WDR70: variants seen among roughly 807,000 people sequenced by gnomAD.
WDR70 encodes the protein WD repeat domain 70.
WDR70 carries 53 observed loss-of-function variants against 88.6 expected under a neutral mutation model. The observed-to-expected ratio is 0.60, with a 90% CI of 0.48 to 0.75. WDR70 has a LOEUF of 0.75. WDR70 is among the 30% of genes least tolerant of loss of function. The pLI is 0.00. For missense variants in WDR70, 610 were observed against 823.2 expected, an observed-to-expected ratio of 0.74 and a Z score of 3.17; for synonymous variants, 280 against 270.0, an observed-to-expected ratio of 1.04 and a Z score of -0.36.
At chr5:37,712,963 A>G (rs1442897585) in intron 13 of WDR70, among the ~76,000 whole-genome samples, 1 of 152,154 alleles carries the variant, frequency 6.6e-6, no homozygotes, top group African/African-American at 2.4e-5. Flanking sequence ...CAGTCTCCCA[A>G]GGCGATGAGT....
chr5:37,570,281 T>TA (rs957854013), intron 9 of WDR70, among the ~76,000 whole-genome samples: 13 of 152,084 alleles, frequency 8.5e-5, no homozygotes, highest in Non-Finnish European at 4.4e-5. Context: ...GACAGCTGGC[T>TA]AGATGATTCA....
chr5:37,529,678 T>C (rs548158232), intron 9 of WDR70, among the ~76,000 whole-genome samples: 1 of 152,304 alleles, frequency 6.6e-6, no homozygotes, highest in East Asian at 1.9e-4. Flanking sequence ...TAATTTTGTA[T>C]CCTGAAACCT....
chr5:37,522,776 C>A (rs1741136986), intron 9 of WDR70, among the ~76,000 whole-genome samples: 1 of 152,182 alleles, frequency 6.6e-6, no homozygotes, highest in Admixed American at 6.5e-5. Context: ...CAGGTCACTC[C>A]CACCCTAATA....
intron 7 of WDR70, among the ~76,000 whole-genome samples, chr5:37,471,890 C>G (rs1739336427): frequency 6.6e-6 from 1 of 151,798 alleles, no homozygotes. Flanking sequence ...ATCAGGTGGT[C>G]TTTTTCTTGT....
chr5:37,667,428 T>C (rs1420250166), intron 10 of WDR70, among the ~76,000 whole-genome samples: 1 of 152,210 alleles, frequency 6.6e-6, no homozygotes, highest in Non-Finnish European at 1.5e-5. Flanking sequence ...ATTATCATCA[T>C]TATTATTATT....
chr5:37,443,442 G>A, intron 7 of WDR70, 70 bp downstream of exon 7: 1 of 1,553,278 alleles, frequency 6.4e-7, no homozygotes, highest in East Asian at 2.3e-5. Flanking sequence ...AGTGCTGTTG[G>A]CTTTGGAATC....
chr5:37,546,856 G>A (rs1050264332), intron 9 of WDR70, among the ~76,000 whole-genome samples: 1 of 151,948 alleles, frequency 6.6e-6, no homozygotes, highest in South Asian at 2.1e-4. Flanking sequence ...AGGCAGAGTT[G>A]CAGTGAGCTG....
rs184873265 is a variant in WDR70, at chr5:37,569,129, C to T, written c.918-35935C>T. Reference sequence around the variant, plus strand: ...GCATAATTAGGAGAATTATGTCAACCTGTCAGGCTATTGCAGAATTATGAG... The same window carrying T: ...GCATAATTAGGAGAATTATGTCAACTTGTCAGGCTATTGCAGAATTATGAG... On this transcript the variant is annotated intron_variant, in intron 9 of 17. Coordinates refer to ENST00000265107, the MANE Select transcript of WDR70 (RefSeq NM_018034.4). 3.3e-5 allele frequency among the ~76,000 whole-genome samples: 5 copies of T among 152,306 alleles called. No individual in the cohort carries two copies. The East Asian group carries it at 9.6e-4, about 29-fold the overall frequency.
At chr5:37,588,980 G>T (rs1478157207) in intron 9 of WDR70, among the ~76,000 whole-genome samples, 1 of 151,998 alleles carries the variant, frequency 6.6e-6, no homozygotes, top group Non-Finnish European at 1.5e-5. Flanking sequence ...GGCCAGGCTA[G>T]TCTCGAACTC....
chr5:37,415,397 G>C (rs1749677404), intron 5 of WDR70, among the ~76,000 whole-genome samples: 1 of 109,486 alleles, frequency 9.1e-6, no homozygotes, highest in African/African-American at 2.7e-5. Flanking sequence ...CGGGGCGGCT[G>C]GCCGGGCGGG....
At chr5:37,481,330 G>GCC (rs112035755) in intron 8 of WDR70, among the ~76,000 whole-genome samples, 10 of 151,260 alleles carry the variant, frequency 6.6e-5, no homozygotes, top group African/African-American at 2.2e-4. Context: ...ATCCATGAGG[G>GCC]CCCCCCCCGC....
chr5:37,416,945 T>C (rs1272390957), intron 5 of WDR70, among the ~76,000 whole-genome samples: 1 of 152,210 alleles, frequency 6.6e-6, no homozygotes, highest in African/African-American at 2.4e-5. Flanking sequence ...TCCACAATTA[T>C]GTCAAAAGTG....
chr5:37,663,038 T>G (rs1241303591), intron 10 of WDR70, among the ~76,000 whole-genome samples: 2 of 152,176 alleles, frequency 1.3e-5, no homozygotes, highest in East Asian at 3.8e-4. Flanking sequence ...CAATAAACAT[T>G]TGCTTCAAAT....
intron 7 of WDR70, among the ~76,000 whole-genome samples, chr5:37,457,169 C>T (rs1738867642): frequency 6.6e-6 from 1 of 152,046 alleles, no homozygotes; most frequent in Non-Finnish European, 1.5e-5. Context: ...AATCTTGGCT[C>T]ACCACAACCT....
At chr5:37,598,882 A>G (rs189952103) in intron 9 of WDR70, among the ~76,000 whole-genome samples, 1 of 152,376 alleles carries the variant, frequency 6.6e-6, no homozygotes, top group Non-Finnish European at 1.5e-5. Flanking sequence ...CCAGAAGACA[A>G]GAAAACGACA....
At chr5:37,432,563 A>ATT (rs148199087) in intron 5 of WDR70, among the ~76,000 whole-genome samples, 15 of 140,756 alleles carry the variant, frequency 1.1e-4, no homozygotes, top group Admixed American at 1.4e-4. Flanking sequence ...TAATTTTTGT[A>ATT]TTTTTTTTTT....
intron 10 of WDR70, among the ~76,000 whole-genome samples, chr5:37,678,579 T>C (rs1287389074): frequency 6.6e-6 from 1 of 151,282 alleles, no homozygotes; most frequent in African/African-American, 2.4e-5. Context: ...TTCTGGCTTG[T>C]AGAGTTTCTG....
At chr5:37,700,720 C>G (rs569872360) in intron 11 of WDR70, among the ~76,000 whole-genome samples, 5 of 152,314 alleles carry the variant, frequency 3.3e-5, no homozygotes, top group Non-Finnish European at 7.4e-5. Flanking sequence ...ACCATCTGCT[C>G]TAATATCATA....
At chr5:37,577,641 A>G (rs1005816573) in intron 9 of WDR70, among the ~76,000 whole-genome samples, 32 of 152,310 alleles carry the variant, frequency 2.1e-4, no homozygotes, top group Middle Eastern at 3.4e-3. Flanking sequence ...AGAAGGCTAC[A>G]TGTGCATTGT....
Sources: gnomAD v4.1 joint callset for allele counts (sites outside exome capture counted in the v4.1 genomes callset) on GRCh38, gnomAD v4.1.1 for gene constraint, MANE v1.5 for transcripts, NCBI Gene and HGNC (gene_info 2026-07-23, HGNC 2026-07-21) for gene names.